KSR2: variants seen among roughly 807,000 people sequenced by gnomAD.
The protein encoded by KSR2 is kinase suppressor of ras 2.
A neutral mutation model predicts 107.8 loss-of-function variants in KSR2; 25 were observed. The observed-to-expected ratio is 0.23, with a 90% CI of 0.17 to 0.32. KSR2 has a LOEUF of 0.32. Ranked by LOEUF, KSR2 falls within the 10% of genes least tolerant of loss-of-function variation. KSR2 has a pLI of 1.00. For missense variants in KSR2, 887 were observed against 1,268.9 expected (o/e 0.70, Z 4.57); for synonymous variants, 480 against 507.0 (o/e 0.95, Z 0.71).
Position 117,466,925 on chromosome 12 carries a change from T to G in KSR2, c.*274A>C. 1 of 382,166 alleles carries G rather than the reference T, an allele frequency of 2.6e-6. No individual in the cohort carries two copies. The highest frequency in any genetic ancestry group is 4.6e-6 in the Non-Finnish European group (1 of 215,860). 23.7% of individuals were successfully genotyped at this position (382,166 alleles called of 1,614,324 possible). On this transcript the variant is annotated 3_prime_UTR_variant, in exon 20 of 20. Transcript: ENST00000339824. ...CCACGTGCAGCCTGCAGTGCTCTCA[T>G]TAGTGCTGTCCCCTGGGCCGCACTG...
chr12:117,927,564 G>A (rs1285946754), intron 1 of KSR2, among the ~76,000 whole-genome samples: 5 of 151,636 alleles, frequency 3.3e-5, no homozygotes, highest in Non-Finnish European at 5.9e-5. Flanking sequence ...GTGGTGGCAC[G>A]AGCCTGTAAT....
chr12:117,575,166 T>C lies in KSR2; in HGVS notation c.1325+3953A>G, dbSNP rs75699633. 2.8e-4 allele frequency among the ~76,000 whole-genome samples: 43 copies of C among 152,304 alleles called. No individual in the cohort carries two copies. The East Asian group carries it at 8.1e-3, about 29-fold the overall frequency. On this transcript the variant is annotated intron_variant, in intron 7 of 19. Coordinates refer to ENST00000339824, the MANE Select transcript of KSR2 (RefSeq NM_173598.6). ...TTACTGTCTGCCCAACTCCTACCCA[T>C]GCCCCAGCATAGAAACTAGGGAAGG...
chr12:117,914,209 G>A (rs1021003540), intron 1 of KSR2, among the ~76,000 whole-genome samples: 1 of 152,072 alleles, frequency 6.6e-6, no homozygotes, highest in Non-Finnish European at 1.5e-5. Flanking sequence ...TGGCCAGATT[G>A]CTCGAGCCCA....
intron 4 of KSR2, chr12:117,674,210 T>C (rs1343138377): frequency 2.2e-6 from 1 of 452,164 alleles, no homozygotes; most frequent in African/African-American, 2.0e-5. Flanking sequence ...AATCTTACAT[T>C]GTCTTTGAAT....
rs577705988 is a variant in KSR2 at position 117,482,605 on chromosome 12, T to C, written c.2450+1811A>G. 5.3e-5 allele frequency among the ~76,000 whole-genome samples: 8 copies of C among 152,270 alleles called. No homozygotes were observed. The South Asian group carries it at 1.7e-3, about 32-fold the overall frequency. ...AGGAGACCAGAAGCCACCTTGCCCT[T>C]GACTTGGTTGAACTAACTTCCTGGT... On this transcript the variant is annotated intron_variant, in intron 16 of 19. Coordinates refer to ENST00000339824, the MANE Select transcript of KSR2 (RefSeq NM_173598.6).
At chr12:117,816,194 C>T (rs1042586105) in intron 3 of KSR2, among the ~76,000 whole-genome samples, 3 of 152,024 alleles carry the variant, frequency 2.0e-5, no homozygotes, top group African/African-American at 7.2e-5. Context: ...TATAAAAATG[C>T]CATGCACCTC....
chr12:117,642,888 AG>A (rs1465825968), intron 5 of KSR2, among the ~76,000 whole-genome samples: 1 of 152,178 alleles, frequency 6.6e-6, no homozygotes, highest in African/African-American at 2.4e-5. Context: ...AATGGAAGGA[AG>A]GGGAGACCCA....
intron 5 of KSR2, among the ~76,000 whole-genome samples, chr12:117,619,301 G>A (rs1882045854): frequency 6.6e-6 from 1 of 151,740 alleles, no homozygotes; most frequent in Non-Finnish European, 1.5e-5. Flanking sequence ...ATGTTGGTGT[G>A]CTGCACCCAG....
chr12:117,453,359 G>GAGAT lies in KSR2; in HGVS notation c.*13836_*13839dup, dbSNP rs902890746. 1.3e-5 allele frequency: 2 copies of GAGAT among 152,518 alleles called. No homozygotes were observed. 9.4% of individuals were successfully genotyped at this position (152,518 alleles called of 1,614,324 possible). A position where few individuals can be genotyped will look rare whatever the true frequency, so the allele number is the denominator to read the frequency against. ...AGAGAGACAGAGACGGAGACAGACA[G>GAGAT]AGATAGAAACGGAAAGGAAAAGAAA... On this transcript the variant is annotated 3_prime_UTR_variant, in exon 20 of 20. Transcript: ENST00000339824.
chr12:117,727,189 A>G (rs1349982345), intron 4 of KSR2, among the ~76,000 whole-genome samples: 1 of 151,586 alleles, frequency 6.6e-6, no homozygotes, highest in Non-Finnish European at 1.5e-5. Flanking sequence ...CAGCCTGGGC[A>G]AGATGGTAAT....
intron 3 of KSR2, among the ~76,000 whole-genome samples, chr12:117,809,745 G>A (rs1891133274): frequency 6.6e-6 from 1 of 152,174 alleles, no homozygotes; most frequent in Admixed American, 6.5e-5. Flanking sequence ...GTTCTCTGCT[G>A]TATCCCTCAC....
chr12:117,469,922 C>A, intron 18 of KSR2, 127 bp from the exon 19 acceptor site: 1 of 744,614 alleles, frequency 1.3e-6, no homozygotes. Context: ...ATCATCCATT[C>A]ATCCATCCAT....
In KSR2 at chr12:117,793,493, GCA is replaced by G. The variant is rs1405893600; in HGVS notation, c.473-31971_473-31970del. On this transcript the variant is annotated intron_variant, in intron 3 of 19. Transcript: ENST00000339824. ...CCAACATGCACACTCACATCAACAT[GCA>G]CACACCCTTACACCAATATGCACAC... Among the ~76,000 whole-genome samples, 4 of 128,878 alleles carry G rather than the reference GCA, an allele frequency of 3.1e-5. No homozygotes were observed. In the East Asian group the frequency reaches 7.9e-4, roughly 25 times the overall value. 84.5% of individuals were successfully genotyped at this position (128,878 alleles called of 152,430 possible).
intron 1 of KSR2, among the ~76,000 whole-genome samples, chr12:117,866,858 T>G (rs1259367617): frequency 6.6e-6 from 1 of 151,704 alleles, no homozygotes. Context: ...AATGAGTCGA[T>G]TTAAAGAAAA....
At chr12:117,670,991 C>T (rs1189326439) in intron 4 of KSR2, among the ~76,000 whole-genome samples, 4 of 152,184 alleles carry the variant, frequency 2.6e-5, no homozygotes, top group Non-Finnish European at 5.9e-5. Flanking sequence ...TTAGAACCTG[C>T]TTTTCCATCA....
rs563293774 is a variant in KSR2, at chr12:117,654,466, C to T, written c.1171+13008G>A. On this transcript the variant is annotated intron_variant, in intron 5 of 19. Coordinates refer to ENST00000339824, the MANE Select transcript of KSR2 (RefSeq NM_173598.6). ...TTCTGCACAATACGCGGGCACCACC[C>T]GAAAGTGCACAGCTGCAGCACTACA... Among the ~76,000 whole-genome samples, 5 of 152,290 alleles carry T rather than the reference C, an allele frequency of 3.3e-5. No individual in the cohort carries two copies. The East Asian group carries it at 5.8e-4, about 18-fold the overall frequency.
Position 117,842,386 on chromosome 12 carries a change from C to G in KSR2, c.472+13042G>C, listed in dbSNP as rs1394991705. Among the ~76,000 whole-genome samples, 1 of 152,064 alleles carries G rather than the reference C, an allele frequency of 6.6e-6. No homozygotes were observed. Among genetic ancestry groups the G allele is most frequent in the Non-Finnish European group, 1.5e-5 (1 of 68,018 alleles). On this transcript the variant is annotated intron_variant, in intron 3 of 19. Coordinates refer to ENST00000339824, the MANE Select transcript of KSR2 (RefSeq NM_173598.6). This position sits in a 1 kb window ranked among gnomAD's most constrained non-coding sequence, Gnocchi z 4.2. ...GCAGAAAGAAGGGCTGTGCAAAGGC[C>G]CTGGGGCAGGCGTTGTGAAGAAGAG...
chr12:117,789,359 A>G (rs61937744), intron 3 of KSR2, among the ~76,000 whole-genome samples: 3,875 of 152,304 alleles, frequency 0.025, 86 homozygotes, highest in Middle Eastern at 0.1. Flanking sequence ...GCATGGAGCC[A>G]GCCTTGCTCA....
chr12:117,625,172 T>G (rs987286266), intron 5 of KSR2, among the ~76,000 whole-genome samples: 3 of 152,076 alleles, frequency 2.0e-5, no homozygotes, highest in Non-Finnish European at 4.4e-5. Context: ...ACTTCCTCAT[T>G]TCCTAATTGA....
Sources: allele counts gnomAD v4.1 joint callset (sites outside exome capture counted in the v4.1 genomes callset), GRCh38; gene constraint gnomAD v4.1.1; non-coding constraint Gnocchi (gnomAD v3.1); transcripts MANE v1.5; gene names NCBI Gene and HGNC (gene_info 2026-07-23, HGNC 2026-07-21).